Variants in USP19 observed in about 807,000 individuals in gnomAD.
The protein encoded by USP19 is ubiquitin specific peptidase 19.
In USP19, 40 loss-of-function variants were observed where a neutral mutation model predicts 144.8. That is an observed-to-expected ratio of 0.28 (90% CI 0.21 to 0.36). The LOEUF (loss-of-function observed/expected upper bound fraction) is 0.36. Among genes scored for constraint, USP19 ranks in the 10% least tolerant of loss-of-function variants. The pLI, the probability that USP19 is intolerant of heterozygous loss-of-function variation, is 1.00. For synonymous variants in USP19, 701 were observed against 709.3 expected (o/e 0.99, Z 0.19); for missense variants, 1,518 against 1,822.5 (o/e 0.83, Z 3.04).
chr3:49,118,108 C>T lies in USP19; in HGVS notation c.137G>A (p.Arg46Gln), dbSNP rs748758042. The T allele has an allele frequency of 2.1e-5, 28 of 1,322,544 alleles. No individual in the cohort carries two copies. Among genetic ancestry groups the T allele is most frequent in the African/African-American group, 1.0e-4 (7 of 66,948 alleles). The allele number at this position is 1,322,544 out of a possible 1,614,324, so 81.9% of individuals were successfully genotyped here. Reference sequence around the variant, plus strand: ...TTCAAGACCAGCCTGGGCAACATATCGAGACCCTGTCTCTAAAAAAAAAAT... The same window carrying T: ...TTCAAGACCAGCCTGGGCAACATATTGAGACCCTGTCTCTAAAAAAAAAAT... Reference protein sequence around the residue: ...DGDPRKETGSRYVAQAGLEPL... With the variant: ...DGDPRKETGSQYVAQAGLEPL... The change falls in exon 3 of 27, where the codon CGA (arginine) becomes CAA (glutamine). Residue 46 changes from arginine to glutamine, a missense_variant. Arg to Gln is a conservative substitution (Grantham distance 43, BLOSUM62 1). Around this residue, in one of 5 missense-constraint regions of USP19, gnomAD observed 707 missense variants for 728.9 expected, o/e 0.97. Coordinates refer to ENST00000417901, the MANE Select transcript of USP19 (RefSeq NM_001199161.2).
Position 49,116,485 on chromosome 3 carries a change from G to A in USP19, c.1249C>T (p.Arg417Cys). 1.9e-6 allele frequency: 3 copies of A among 1,614,162 alleles called. No individual in the cohort carries two copies. Among genetic ancestry groups the A allele is most frequent in the South Asian group, 1.1e-5 (1 of 91,086 alleles). The change falls in exon 8 of 27, where the codon CGT becomes TGT. Residue 417 changes from arginine (R) to cysteine (C), a missense_variant. Arg to Cys is a radical substitution (Grantham distance 180). Around this residue, in one of 5 missense-constraint regions of USP19, gnomAD observed 707 missense variants for 728.9 expected, o/e 0.97. Coordinates refer to ENST00000417901, the MANE Select transcript of USP19 (RefSeq NM_001199161.2). The surrounding 1 kb of genome is among the most constrained non-coding windows in gnomAD (Gnocchi z 5.0). ...ICRDTSRVLF[R>C]EQDFTLIFQT... Reference sequence around the variant, plus strand: ...AAGATGAGCGTGAAGTCCTGCTCACGGAAAAGTACTCTTGAGGTGTCCCTG... The same window carrying A: ...AAGATGAGCGTGAAGTCCTGCTCACAGAAAAGTACTCTTGAGGTGTCCCTG...
rs755009255 is a variant in USP19 at position 49,115,840 on chromosome 3, G to A, written c.1576C>T (p.Arg526Trp). The change falls in exon 11 of 27, where the codon CGG (arginine) becomes TGG (tryptophan). Residue 526 changes from arginine to tryptophan, a missense_variant. Physicochemically the swap from Arg to Trp is moderately radical, Grantham distance 101. Transcript: ENST00000417901. This position sits in a 1 kb window ranked among gnomAD's most constrained non-coding sequence, Gnocchi z 6.6. ...PHPLTGQEEA[R>W]AVEKDKSKAR... ...TTGGATTTATCCTTCTCCACAGCCC[G>A]GGCCTCCTCCTGGCCTGTCAGGGGG... The A allele has an allele frequency of 6.1e-5, 99 of 1,612,824 alleles. No individual in the cohort carries two copies. Among genetic ancestry groups the A allele is most frequent in the Admixed American group, 1.7e-4 (10 of 59,858 alleles).
At chr3:49,109,978 T>C (rs1029214165) in intron 26 of USP19, 2 of 510,894 alleles carry the variant, frequency 3.9e-6, no homozygotes, top group East Asian at 3.5e-5. Flanking sequence ...AGTGGCAGCA[T>C]GTTAGTGTAC....
chr3:49,116,994 C>T lies in USP19; in HGVS notation c.910-51G>A, dbSNP rs770087941. The T allele has an allele frequency of 6.3e-7, 1 of 1,580,916 alleles. No individual in the cohort carries two copies. Among genetic ancestry groups the T allele is most frequent in the South Asian group, 1.2e-5 (1 of 86,762 alleles). On this transcript the variant is annotated intron_variant, in intron 6 of 26. Transcript: ENST00000417901. This position sits in a 1 kb window ranked among gnomAD's most constrained non-coding sequence, Gnocchi z 5.0. ...AATCAGCCCTGGGTCTGCCAGGTGG[C>T]TCCCACTCCAGTGCACACCCTTTCC...
chr3:49,108,859 A>T lies in USP19; in HGVS notation c.4039-331T>A. 6.8e-7 allele frequency: 1 copy of T among 1,470,890 alleles called. No homozygotes were observed. The highest frequency in any genetic ancestry group is 9.0e-7 in the Non-Finnish European group (1 of 1,109,546). 91.1% of individuals were successfully genotyped at this position (1,470,890 alleles called of 1,614,324 possible). A position where few individuals can be genotyped will look rare whatever the true frequency, so the allele number is the denominator to read the frequency against. ...CCCACCCTCTCCCACCAGATGCATA[A>T]GCTGAGGCCCAAAGCCCAGAGGTGT... On this transcript the variant is annotated intron_variant, in intron 26 of 26. Coordinates refer to ENST00000417901, the MANE Select transcript of USP19 (RefSeq NM_001199161.2). The surrounding 1 kb of genome is among the most constrained non-coding windows in gnomAD (Gnocchi z 4.8).
rs952105719 is a variant in USP19 at position 49,116,544 on chromosome 3, G to A, written c.1190C>T (p.Ser397Leu). 8 of 1,614,110 alleles carry A rather than the reference G, an allele frequency of 5.0e-6. No homozygotes were observed. Among genetic ancestry groups the A allele is most frequent in the African/African-American group, 2.7e-5 (2 of 74,928 alleles). The change falls in exon 8 of 27, where the codon TCA becomes TTA. Residue 397 changes from serine (S) to leucine (L), a missense_variant. By Grantham distance (145) the Ser-to-Leu change is moderately radical. This residue lies in a region of USP19 where 707 missense variants were observed against 728.9 expected (regional missense o/e 0.97). Transcript: ENST00000417901. The surrounding 1 kb of genome is among the most constrained non-coding windows in gnomAD (Gnocchi z 5.0). ...CTTCACGTACACGTGCACCACCACTGAATCCGGGCCCTTCTCATACGAGTC... is the reference window on the plus strand; with the variant it reads ...CTTCACGTACACGTGCACCACCACTAAATCCGGGCCCTTCTCATACGAGTC... ...KNDSYEKGPD[S>L]VVVHVYVKEI...
chr3:49,112,681 C>A lies in USP19; in HGVS notation c.2506-52G>T. 1 of 1,573,746 alleles carries A rather than the reference C, an allele frequency of 6.4e-7. No homozygotes were observed. Among genetic ancestry groups the A allele is most frequent in the Non-Finnish European group, 8.7e-7 (1 of 1,155,518 alleles). ...ACGTGAGGATAAGCCCTTTCCCTAG[C>A]CCTGCCCCAGAGTTTAAGAAGGCTT... On this transcript the variant is annotated intron_variant, in intron 17 of 26. Transcript: ENST00000417901. This position sits in a 1 kb window ranked among gnomAD's most constrained non-coding sequence, Gnocchi z 4.9.
chr3:49,119,044 G>A lies in USP19; in HGVS notation c.102C>T (p.Ser34=), dbSNP rs1228489175. 1 of 1,614,046 alleles carries A rather than the reference G, an allele frequency of 6.2e-7. No homozygotes were observed. The highest frequency in any genetic ancestry group is 1.3e-5 in the African/African-American group (1 of 74,936). Reference sequence around the variant, plus strand: ...CACCTTTCCTAGGATCTCCATCCTTGCTCTCCTGGTTTGCTCGATCCTTCT... The same window carrying A: ...CACCTTTCCTAGGATCTCCATCCTTACTCTCCTGGTTTGCTCGATCCTTCT... ...KKQKDRANQE[S]KDGDPRKETG... The change falls in exon 2 of 27, where the codon AGC becomes AGT. Residue 34 remains serine (S), a synonymous_variant. Transcript: ENST00000417901.
rs745611822 is a variant in USP19, at chr3:49,117,734, C to T, written c.395G>A (p.Arg132His). The T allele has an allele frequency of 6.2e-6, 10 of 1,614,050 alleles. No homozygotes were observed. Among genetic ancestry groups the T allele is most frequent in the Middle Eastern group, 3.3e-4 (2 of 6,082 alleles). ...CAGCTGCAGGGGACCTACTCCCACA[C>T]GAAGCTTGACAATCACCTCTTCTGC... ...QSAEEVIVKL[R>H]VGVGPLQLED... Residue 132 changes from arginine (R) to histidine (H), a missense_variant, in exon 4 of 27, where the codon CGT becomes CAT. Physicochemically the swap from Arg to His is conservative, Grantham distance 29. This residue lies in a region of USP19 where 707 missense variants were observed against 728.9 expected (regional missense o/e 0.97). Coordinates refer to ENST00000417901, the MANE Select transcript of USP19 (RefSeq NM_001199161.2). The surrounding 1 kb of genome is among the most constrained non-coding windows in gnomAD (Gnocchi z 4.4).
intron 2 of USP19, among the ~76,000 whole-genome samples, chr3:49,118,769 CAGGTTCAAA>C (rs979356457): frequency 6.6e-6 from 1 of 151,522 alleles, no homozygotes; most frequent in African/African-American, 2.4e-5. Flanking sequence ...AAAAAAAGAA[CAGGTTCAAA>C]AAAAAGAAAA....
intron 26 of USP19, 194 bp downstream of exon 26, chr3:49,109,990 T>G: frequency 1.8e-6 from 1 of 559,218 alleles, no homozygotes; most frequent in Non-Finnish European, 2.8e-6. Context: ...TTAGTGTACT[T>G]GTATGTTTGT....
Position 49,115,953 on chromosome 3 carries a change from G to T in USP19, c.1472-9C>A, listed in dbSNP as rs369903272. On this transcript the variant is annotated splice_polypyrimidine_tract_variant and intron_variant, in intron 10 of 26. Transcript: ENST00000417901. The surrounding 1 kb of genome is among the most constrained non-coding windows in gnomAD (Gnocchi z 6.6). ...TGCACCACCCACTGCACCTTAAAAA[G>T]GGGGAATGAGAGGGCTGGTGGTTAG... 1.1e-5 allele frequency: 17 copies of T among 1,553,564 alleles called. No individual in the cohort carries two copies. The highest frequency in any genetic ancestry group is 4.3e-6 in the Non-Finnish European group (5 of 1,152,536).
chr3:49,115,724 C>T lies in USP19; in HGVS notation c.1692G>A (p.Ser564=), dbSNP rs774200886. The T allele has an allele frequency of 7.5e-6, 12 of 1,608,144 alleles. No homozygotes were observed. In the South Asian group the frequency reaches 9.9e-5, roughly 13 times the overall value. Residue 564 remains serine (S), a splice_region_variant and synonymous_variant, in exon 11 of 27, where the codon TCG becomes TCA. Coordinates refer to ENST00000417901, the MANE Select transcript of USP19 (RefSeq NM_001199161.2). This position sits in a 1 kb window ranked among gnomAD's most constrained non-coding sequence, Gnocchi z 6.6. ...GTCCTTCCCACCCCAGAATTCTCACCGAGGCCAGGTGTGTCTCTGGCTTTG... is the reference window on the plus strand; with the variant it reads ...GTCCTTCCCACCCCAGAATTCTCACTGAGGCCAGGTGTGTCTCTGGCTTTG... ...VTPKPETHLA[S]PKPTCMVPPM... is the part of the protein sequence containing the mutation.
At chr3:49,113,351 A>C (rs2043498583) in intron 17 of USP19, among the ~76,000 whole-genome samples, 1 of 151,880 alleles carries the variant, frequency 6.6e-6, no homozygotes, top group South Asian at 2.1e-4. Flanking sequence ...ATCTCGGCTC[A>C]CTGCAACCTC....
intron 1 of USP19, 23 bp downstream of exon 1, chr3:49,120,733 G>C (rs1254236561): frequency 1.6e-5 from 3 of 189,894 alleles, no homozygotes; most frequent in South Asian, 9.7e-5. Context: ...CCAAGCCAGC[G>C]AGTTGCAGCC....
At chr3:49,109,616 A>C (rs1482033163) in intron 26 of USP19, among the ~76,000 whole-genome samples, 1 of 152,194 alleles carries the variant, frequency 6.6e-6, no homozygotes, top group African/African-American at 2.4e-5. Context: ...TCAAGAGAGG[A>C]TGGAGCCAGA....
rs200649625 is a variant in USP19 at position 49,117,500 on chromosome 3, C to G, written c.543G>C (p.Lys181Asn). ...GCAGTGTCAGGTGCAGGAGACTGCC[C>G]TTGCGGGTTTGCACTTTAGCACAAG... ...KSSCAKVQTR[K>N]GSLLHLTLPK... Residue 181 changes from lysine (K) to asparagine (N), a missense_variant, in exon 5 of 27, where the codon AAG becomes AAC. Physicochemically the swap from Lys to Asn is moderately conservative, Grantham distance 94 (BLOSUM62 0). Coordinates refer to ENST00000417901, the MANE Select transcript of USP19 (RefSeq NM_001199161.2). This position sits in a 1 kb window ranked among gnomAD's most constrained non-coding sequence, Gnocchi z 4.4. The G allele has an allele frequency of 7.4e-5, 119 of 1,614,136 alleles. No homozygotes were observed. The African/African-American group carries it at 1.4e-3, about 19-fold the overall frequency.
chr3:49,109,179 G>A (rs79965514), intron 26 of USP19: 16 of 1,478,216 alleles, frequency 1.1e-5, no homozygotes, highest in East Asian at 9.9e-5. Flanking sequence ...TGCCAAATCC[G>A]GGAAGCCTAG....
chr3:49,117,173 C>T lies in USP19; in HGVS notation c.795G>A (p.Gly265=). The change falls in exon 6 of 27, where the codon GGG becomes GGA. Residue 265 remains glycine (G), a synonymous_variant. Coordinates refer to ENST00000417901, the MANE Select transcript of USP19 (RefSeq NM_001199161.2). The surrounding 1 kb of genome is among the most constrained non-coding windows in gnomAD (Gnocchi z 4.4). The part of the protein sequence containing the change: ...GAGAGPGAQA[G]PSAKRAVHLC... ...GATGCACAGCCCTCTTGGCGCTGGGCCCTGCCTGGGCCCCGGGGCCAGCCC... is the reference window on the plus strand; with the variant it reads ...GATGCACAGCCCTCTTGGCGCTGGGTCCTGCCTGGGCCCCGGGGCCAGCCC... 6.5e-7 allele frequency: 1 copy of T among 1,548,184 alleles called. No homozygotes were observed. The highest frequency in any genetic ancestry group is 8.7e-7 in the Non-Finnish European group (1 of 1,146,788).
Sources: allele counts gnomAD v4.1 joint callset (sites outside exome capture counted in the v4.1 genomes callset), GRCh38; gene constraint gnomAD v4.1.1; regional missense constraint gnomAD v4.1.1; non-coding constraint Gnocchi (gnomAD v3.1); transcripts MANE v1.5; gene names NCBI Gene and HGNC (gene_info 2026-07-23, HGNC 2026-07-21).